LMX1B: variants seen among roughly 807,000 people sequenced by gnomAD.
LMX1B encodes the protein LIM homeobox transcription factor 1-beta.
LMX1B carries 12 observed loss-of-function variants against 51.4 expected under a neutral mutation model. That is an observed-to-expected ratio of 0.23 (90% CI 0.15 to 0.38). LMX1B has a LOEUF of 0.38. LMX1B is among the 10% of genes least tolerant of loss of function. The pLI, the probability that LMX1B is intolerant of heterozygous loss-of-function variation, is 1.00. For missense variants in LMX1B, 445 were observed against 571.1 expected, an observed-to-expected ratio of 0.78 and a Z score of 2.25; for synonymous variants, 237 against 235.4, an observed-to-expected ratio of 1.01 and a Z score of -0.06.
chr9:126,642,091 C>T (rs917835953), intron 2 of LMX1B, among the ~76,000 whole-genome samples: 13 of 152,132 alleles, frequency 8.5e-5, no homozygotes, highest in African/African-American at 3.1e-4. Flanking sequence ...GCACCTAATG[C>T]CAAGGCAGTT....
chr9:126,693,949 G>A (rs2030242331), intron 6 of LMX1B, 137 bp downstream of exon 6: 6 of 604,704 alleles, frequency 9.9e-6, no homozygotes, highest in Admixed American at 5.8e-5. Flanking sequence ...GGCTGCACCT[G>A]TCCCAGGGCT....
intron 2 of LMX1B, among the ~76,000 whole-genome samples, chr9:126,663,200 G>A (rs954412029): frequency 3.9e-5 from 4 of 102,484 alleles, no homozygotes; most frequent in Non-Finnish European, 6.6e-5. Flanking sequence ...GTTGAGGCGG[G>A]CGGATCACTT....
At chr9:126,639,277 A>G (rs1835767326) in intron 2 of LMX1B, among the ~76,000 whole-genome samples, 1 of 152,112 alleles carries the variant, frequency 6.6e-6, no homozygotes, top group Non-Finnish European at 1.5e-5. Flanking sequence ...TTGCCGGGTG[A>G]GGGTCCCTCT....
chr9:126,696,224 A>G, intron 7 of LMX1B, 70 bp from the exon 8 acceptor site: 1 of 1,463,248 alleles, frequency 6.8e-7, no homozygotes, highest in East Asian at 2.3e-5. Context: ...CACACAGCCT[A>G]CAGGGCAAAC....
chr9:126,671,136 G>A lies in LMX1B; in HGVS notation c.327-19700G>A, dbSNP rs1283860509. Among the ~76,000 whole-genome samples, 2 of 152,150 alleles carry A rather than the reference G, an allele frequency of 1.3e-5. No homozygotes were observed. Among genetic ancestry groups the A allele is most frequent in the Admixed American group, 1.3e-4 (2 of 15,280 alleles). Reference sequence around the variant, plus strand: ...GTTTGGCACCCAGGCACAGCCCCATGCCCAGCTCACCAGCCGTTGGCAGGA... The same window carrying A: ...GTTTGGCACCCAGGCACAGCCCCATACCCAGCTCACCAGCCGTTGGCAGGA... On this transcript the variant is annotated intron_variant, in intron 2 of 7. Coordinates refer to ENST00000373474, the MANE Select transcript of LMX1B (RefSeq NM_001174147.2). This position sits in a 1 kb window ranked among gnomAD's most constrained non-coding sequence, Gnocchi z 4.4.
At position 126,690,922 on chromosome 9, in the gene LMX1B, T is replaced by C. The variant is rs2030102537; in HGVS notation, c.413T>C (p.Leu138Pro). The C allele has an allele frequency of 1.2e-6, 2 of 1,613,924 alleles. No homozygotes were observed. ...CGGGCGCTGGAGTGCGTGTACCACC[T>C]GGGCTGCTTCTGCTGCTGCGTGTGT... ...VMRALECVYH[L>P]GCFCCCVCER... The change falls in exon 3 of 8, where the codon CTG becomes CCG. Residue 138 changes from leucine to proline, a missense_variant. Leu to Pro is a moderately conservative substitution (Grantham distance 98, BLOSUM62 -3). Transcript: ENST00000373474.
intron 2 of LMX1B, among the ~76,000 whole-genome samples, chr9:126,624,561 C>A (rs1186962491): frequency 2.0e-5 from 3 of 152,190 alleles, no homozygotes; most frequent in Non-Finnish European, 4.4e-5. Flanking sequence ...GGCAACCAGG[C>A]GGCCCGAAAG....
intron 2 of LMX1B, among the ~76,000 whole-genome samples, chr9:126,660,641 G>C (rs1243717075): frequency 6.6e-6 from 1 of 152,180 alleles, no homozygotes; most frequent in Non-Finnish European, 1.5e-5. Flanking sequence ...TTGTATCAAA[G>C]CCTAGAACAT....
rs1306271706 is a variant in LMX1B at position 126,624,137 on chromosome 9, A to G, written c.326+8568A>G. ...CACCCAGCAGCTGATTTATGGAGGAATTCGATCCTGGGACGCGCTAGGCTG... is the reference window on the plus strand; with the variant it reads ...CACCCAGCAGCTGATTTATGGAGGAGTTCGATCCTGGGACGCGCTAGGCTG... On this transcript the variant is annotated intron_variant, in intron 2 of 7. Transcript: ENST00000373474. 3.3e-5 allele frequency among the ~76,000 whole-genome samples: 5 copies of G among 152,328 alleles called. No homozygotes were observed. In the South Asian group the frequency reaches 1.0e-3, roughly 32 times the overall value.
intron 2 of LMX1B, among the ~76,000 whole-genome samples, chr9:126,682,751 C>T (rs1475418905): frequency 6.6e-6 from 1 of 152,166 alleles, no homozygotes; most frequent in Non-Finnish European, 1.5e-5. Flanking sequence ...AAATATTAGC[C>T]GGGCGCGGTG....
intron 2 of LMX1B, among the ~76,000 whole-genome samples, chr9:126,642,227 G>T (rs1264439297): frequency 6.6e-6 from 1 of 152,164 alleles, no homozygotes; most frequent in Non-Finnish European, 1.5e-5. Context: ...TCCTGAGCAC[G>T]CAGCTGGCTG....
chr9:126,666,764 A>G (rs1760472104), intron 2 of LMX1B, among the ~76,000 whole-genome samples: 1 of 152,174 alleles, frequency 6.6e-6, no homozygotes, highest in Admixed American at 6.5e-5. Flanking sequence ...TCATTCTGAA[A>G]GAGACAGGAG....
At chr9:126,690,446 A>G (rs1171234222) in intron 2 of LMX1B, among the ~76,000 whole-genome samples, 1 of 152,014 alleles carries the variant, frequency 6.6e-6, no homozygotes, top group Non-Finnish European at 1.5e-5. Context: ...GTGAGGGAGG[A>G]TCAGAGGAGA....
chr9:126,689,926 A>T (rs945945719), intron 2 of LMX1B, among the ~76,000 whole-genome samples: 1 of 152,230 alleles, frequency 6.6e-6, no homozygotes, highest in Non-Finnish European at 1.5e-5. Context: ...GTCTCTGCAT[A>T]TAAGATGCTT....
rs1459698386 is a variant in LMX1B, at chr9:126,626,299, T to C, written c.326+10730T>C. ...GGGCTGAGAGCAGGGTGTCACCTCG[T>C]AAAAGCGACAGGCAAGGACTGTTTT... On this transcript the variant is annotated intron_variant, in intron 2 of 7. Transcript: ENST00000373474. This position sits in a 1 kb window ranked among gnomAD's most constrained non-coding sequence, Gnocchi z 4.3. 1.3e-5 allele frequency among the ~76,000 whole-genome samples: 2 copies of C among 152,144 alleles called. No individual in the cohort carries two copies. The highest frequency in any genetic ancestry group is 2.9e-5 in the Non-Finnish European group (2 of 68,026).
chr9:126,654,319 C>A (rs546813495), intron 2 of LMX1B, among the ~76,000 whole-genome samples: 7 of 152,380 alleles, frequency 4.6e-5, no homozygotes, highest in South Asian at 2.1e-4. Context: ...ATGCCTCCCC[C>A]ACTCCAGCCC....
chr9:126,647,561 C>A (rs923644793), intron 2 of LMX1B, among the ~76,000 whole-genome samples: 1 of 152,328 alleles, frequency 6.6e-6, no homozygotes, highest in East Asian at 1.9e-4. Flanking sequence ...CTTTTGACCC[C>A]TTGACTTTCA....
chr9:126,661,901 C>T (rs187571424), intron 2 of LMX1B, among the ~76,000 whole-genome samples: 48 of 152,350 alleles, frequency 3.2e-4, no homozygotes, highest in African/African-American at 1.1e-3. Context: ...AGTCATCTCC[C>T]TACCCTCTGA....
Position 126,658,842 on chromosome 9 carries a change from C to T in LMX1B, c.327-31994C>T, listed in dbSNP as rs1369020585. On this transcript the variant is annotated intron_variant, in intron 2 of 7. Coordinates refer to ENST00000373474, the MANE Select transcript of LMX1B (RefSeq NM_001174147.2). The surrounding 1 kb of genome is among the most constrained non-coding windows in gnomAD (Gnocchi z 4.0). ...GTTCAAATTCAGAAAGCCCCCTTGC[C>T]TGTATCAGGCCTGGTTTGCTGTGGA... Among the ~76,000 whole-genome samples, 1 of 152,232 alleles carries T rather than the reference C, an allele frequency of 6.6e-6. No homozygotes were observed. The highest frequency in any genetic ancestry group is 1.5e-5 in the Non-Finnish European group (1 of 68,044).
Sources: allele counts gnomAD v4.1 joint callset (sites outside exome capture counted in the v4.1 genomes callset), GRCh38; gene constraint gnomAD v4.1.1; non-coding constraint Gnocchi (gnomAD v3.1); transcripts MANE v1.5; gene names NCBI Gene and HGNC (gene_info 2026-07-23, HGNC 2026-07-21).